Variants in PANK4 observed in about 807,000 individuals in gnomAD.
PANK4 encodes the protein 4'-phosphopantetheine phosphatase.
Under a neutral mutation model 87.9 loss-of-function variants are expected in PANK4, and 40 were observed. That is an observed-to-expected ratio of 0.46 (90% CI 0.35 to 0.59). The LOEUF is 0.59. PANK4 is among the 20% of genes least tolerant of loss of function. PANK4 has a pLI of 0.00. For missense variants in PANK4, 926 were observed against 1,072.3 expected, an observed-to-expected ratio of 0.86 and a Z score of 1.90; for synonymous variants, 524 against 467.4, an observed-to-expected ratio of 1.12 and a Z score of -1.56.
rs1643716596 is a variant in PANK4 at position 2,514,218 on chromosome 1, G to A, written c.1488-129C>T. 20 of 1,117,094 alleles carry A rather than the reference G, an allele frequency of 1.8e-5. No homozygotes were observed. In the South Asian group the frequency reaches 2.0e-4, roughly 11 times the overall value. The allele number at this position is 1,117,094 out of a possible 1,614,324, so 69.2% of individuals were successfully genotyped here. A position where few individuals can be genotyped will look rare whatever the true frequency, so the allele number is the denominator to read the frequency against. On this transcript the variant is annotated intron_variant, in intron 11 of 18. Transcript: ENST00000378466. ...AAACGCTGCTTGAGGCGGGGTCCAA[G>A]GGGGCTGTGCCGCCAGGGCCCACAC...
chr1:2,510,629 G>C lies in PANK4; in HGVS notation c.1938+49C>G. On this transcript the variant is annotated intron_variant, in intron 16 of 18. Coordinates refer to ENST00000378466, the MANE Select transcript of PANK4 (RefSeq NM_018216.4). The surrounding 1 kb of genome is among the most constrained non-coding windows in gnomAD (Gnocchi z 4.9). Reference sequence around the variant, plus strand: ...CCCACAGCGGCGCCAACCCCACCGAGAGCAGAGAAGCCCAGGGGAAGGGCC... The same window carrying C: ...CCCACAGCGGCGCCAACCCCACCGACAGCAGAGAAGCCCAGGGGAAGGGCC... 1 of 1,139,888 alleles carries C rather than the reference G, an allele frequency of 8.8e-7. No individual in the cohort carries two copies. Among genetic ancestry groups the C allele is most frequent in the Non-Finnish European group, 1.3e-6 (1 of 756,574 alleles). The allele number at this position is 1,139,888 out of a possible 1,614,324, so 70.6% of individuals were successfully genotyped here.
Position 2,520,684 on chromosome 1 carries a change from TA to T in PANK4, c.606+38del. The T allele has an allele frequency of 1.3e-6, 2 of 1,584,644 alleles. No individual in the cohort carries two copies. Among genetic ancestry groups the T allele is most frequent in the Non-Finnish European group, 1.7e-6 (2 of 1,157,370 alleles). On this transcript the variant is annotated intron_variant, in intron 4 of 18. Transcript: ENST00000378466. This position sits in a 1 kb window ranked among gnomAD's most constrained non-coding sequence, Gnocchi z 6.2. Reference sequence around the variant, plus strand: ...CAGCGAGGGCTTAACAAACTATGGCTAAACCATCCACTCATTCATTCATGAA... The same window carrying T: ...CAGCGAGGGCTTAACAAACTATGGCTAACCATCCACTCATTCATTCATGAA...
At chr1:2,523,142 A>G (rs1643892376) in intron 1 of PANK4, among the ~76,000 whole-genome samples, 1 of 152,222 alleles carries the variant, frequency 6.6e-6, no homozygotes. Flanking sequence ...TCAGGTCAGT[A>G]AAAAGATTTG....
Position 2,519,327 on chromosome 1 carries a change from G to A in PANK4, c.854-3C>T, listed in dbSNP as rs1031238802. 3.8e-6 allele frequency: 6 copies of A among 1,599,720 alleles called. No individual in the cohort carries two copies. The African/African-American group carries it at 5.4e-5, about 14-fold the overall frequency. ...CGCCATGTCTTCTTTGGAGAACTCT[G>A]AGGAAGGGAAGGAAAAGGCACTCAT... On this transcript the variant is annotated splice_polypyrimidine_tract_variant and splice_region_variant and intron_variant, in intron 6 of 18. Transcript: ENST00000378466. The surrounding 1 kb of genome is among the most constrained non-coding windows in gnomAD (Gnocchi z 8.3).
At position 2,511,403 on chromosome 1, in the gene PANK4, G is replaced by T; in HGVS notation, c.1784-16C>A. ...CAGGGTCTTTCTGAGACAGAGAGAG[G>T]GACACATGATTAGCCCGGTGCTCCA... On this transcript the variant is annotated splice_polypyrimidine_tract_variant and intron_variant, in intron 14 of 18. Transcript: ENST00000378466. 2 of 1,597,940 alleles carry T rather than the reference G, an allele frequency of 1.3e-6. No homozygotes were observed.
rs894601657 is a variant in PANK4, at chr1:2,514,404, C to T, written c.1437G>A (p.Lys479=). 2.4e-5 allele frequency: 39 copies of T among 1,612,414 alleles called. 1 individual carries two copies. The highest frequency in any genetic ancestry group is 4.2e-6 in the Non-Finnish European group (5 of 1,179,926). Residue 479 remains lysine (K), a synonymous_variant, in exon 11 of 19, where the codon AAG becomes AAA. Coordinates refer to ENST00000378466, the MANE Select transcript of PANK4 (RefSeq NM_018216.4). The part of the protein sequence containing the change: ...DSVDAAERAE[K]FRQKYWNKLQ... The stretch of plus-strand genomic sequence containing the variant: ...GCTTGTTCCAGTACTTCTGCCGGAA[C>T]TTCTCCGCCCTCTCGGCTGCATCCA...
Position 2,509,745 on chromosome 1 carries a change from G to T in PANK4, c.2108+117C>A. The T allele has an allele frequency of 1.1e-6, 1 of 869,762 alleles. No homozygotes were observed. Among genetic ancestry groups the T allele is most frequent in the Non-Finnish European group, 1.9e-6 (1 of 530,230 alleles). The allele number at this position is 869,762 out of a possible 1,614,324, so 53.9% of individuals were successfully genotyped here. On this transcript the variant is annotated intron_variant, in intron 18 of 18. Transcript: ENST00000378466. The surrounding 1 kb of genome is among the most constrained non-coding windows in gnomAD (Gnocchi z 4.9). ...TGAGATCAATCCGGGCCTGGGGTCAGGAGAGGCCGCAGGGGCAGTCCTGAG... is the reference window on the plus strand; with the variant it reads ...TGAGATCAATCCGGGCCTGGGGTCATGAGAGGCCGCAGGGGCAGTCCTGAG...
chr1:2,515,512 T>A lies in PANK4; in HGVS notation c.1374+50A>T. ...CTTTGCCCCCGGAGCCTTGGAAGGT[T>A]AACCCGGCTGCGGCCTTGGAATCGT... On this transcript the variant is annotated intron_variant, in intron 10 of 18. Coordinates refer to ENST00000378466, the MANE Select transcript of PANK4 (RefSeq NM_018216.4). This position sits in a 1 kb window ranked among gnomAD's most constrained non-coding sequence, Gnocchi z 5.0. The A allele has an allele frequency of 6.2e-7, 1 of 1,600,410 alleles. No homozygotes were observed. The highest frequency in any genetic ancestry group is 1.3e-5 in the African/African-American group (1 of 74,750).
chr1:2,511,144 T>C (rs910076500), intron 15 of PANK4, among the ~76,000 whole-genome samples, 194 bp downstream of exon 15: 1 of 152,082 alleles, frequency 6.6e-6, no homozygotes, highest in Non-Finnish European at 1.5e-5. Flanking sequence ...CTAGAGCAGG[T>C]GACCTAAGAA....
rs954575222 is a variant in PANK4 at position 2,519,086 on chromosome 1, T to G, written c.1035+57A>C. 1.3e-6 allele frequency: 2 copies of G among 1,505,548 alleles called. No individual in the cohort carries two copies. Among genetic ancestry groups the G allele is most frequent in the Non-Finnish European group, 9.1e-7 (1 of 1,096,390 alleles). The allele number at this position is 1,505,548 out of a possible 1,614,324, so 93.3% of individuals were successfully genotyped here. A position where few individuals can be genotyped will look rare whatever the true frequency, so the allele number is the denominator to read the frequency against. On this transcript the variant is annotated intron_variant, in intron 7 of 18. Transcript: ENST00000378466. This position sits in a 1 kb window ranked among gnomAD's most constrained non-coding sequence, Gnocchi z 8.3. ...TGCGGTGTCTAACCAGCATGACTGA[T>G]TGGGAAGATCCTGGGGGGTCTGCGT...
intron 7 of PANK4, 46 bp from the exon 8 acceptor site, chr1:2,518,643 C>T (rs1192676623): frequency 1.4e-6 from 2 of 1,468,936 alleles, no homozygotes; most frequent in South Asian, 2.4e-5. Context: ...CCACACAACA[C>T]CCGGTGCCTC....
intron 1 of PANK4, among the ~76,000 whole-genome samples, chr1:2,523,909 G>A (rs1028713155): frequency 2.6e-5 from 4 of 152,246 alleles, no homozygotes; most frequent in Non-Finnish European, 2.9e-5. Flanking sequence ...CAGCTGGTGG[G>A]GGAAGGGGGC....
At position 2,508,863 on chromosome 1, in the gene PANK4, T is replaced by A. The variant is rs1332212682; in HGVS notation, c.2306A>T (p.Glu769Val). 6.3e-7 allele frequency: 1 copy of A among 1,597,724 alleles called. No homozygotes were observed. The highest frequency in any genetic ancestry group is 1.1e-5 in the South Asian group (1 of 89,602). ...GRLFSVIFKY[E>V]VPAE ...TGCAGCGCCTCACTCGGCTGGGACC[T>A]CGTACTTGAAGATGACGCTGAAGAG... The change falls in exon 19 of 19, where the codon GAG becomes GTG. Residue 769 changes from glutamate to valine, a missense_variant. Physicochemically the swap from Glu to Val is moderately radical, Grantham distance 121. Coordinates refer to ENST00000378466, the MANE Select transcript of PANK4 (RefSeq NM_018216.4). The surrounding 1 kb of genome is among the most constrained non-coding windows in gnomAD (Gnocchi z 5.1).
intron 1 of PANK4, among the ~76,000 whole-genome samples, chr1:2,523,587 G>C (rs534611104): frequency 1.3e-5 from 2 of 152,300 alleles, no homozygotes; most frequent in South Asian, 2.1e-4. Flanking sequence ...GGTTGGGACA[G>C]AGGTGGGGGT....
At chr1:2,517,188 C>T (rs1293964756) in intron 9 of PANK4, among the ~76,000 whole-genome samples, 4 of 152,232 alleles carry the variant, frequency 2.6e-5, no homozygotes, top group Non-Finnish European at 5.9e-5. Context: ...CAGAGCCTCG[C>T]CCCCACTCCC....
chr1:2,512,840 C>T, intron 13 of PANK4, 48 bp downstream of exon 13: 1 of 1,593,098 alleles, frequency 6.3e-7, no homozygotes, highest in Non-Finnish European at 8.6e-7. Flanking sequence ...TGGGGCAGGA[C>T]AGGCACCCAC....
chr1:2,524,654 T>C (rs1643905039), intron 1 of PANK4, among the ~76,000 whole-genome samples: 1 of 152,194 alleles, frequency 6.6e-6, no homozygotes, highest in Non-Finnish European at 1.5e-5. Flanking sequence ...GCTCTGCGGC[T>C]TCACTGGCCT....
Position 2,523,767 on chromosome 1 carries a change from C to T in PANK4, c.125-1967G>A, listed in dbSNP as rs544462338. Among the ~76,000 whole-genome samples the T allele has an allele frequency of 6.6e-5, 10 of 152,364 alleles. No individual in the cohort carries two copies. In the East Asian group the frequency reaches 7.7e-4, roughly 12 times the overall value. ...AGATCTGTTAGAGCAGAGGGAACCGCCTGCGGGCGGGGACCCTTCCGGGCT... is the reference window on the plus strand; with the variant it reads ...AGATCTGTTAGAGCAGAGGGAACCGTCTGCGGGCGGGGACCCTTCCGGGCT... On this transcript the variant is annotated intron_variant, in intron 1 of 18. Coordinates refer to ENST00000378466, the MANE Select transcript of PANK4 (RefSeq NM_018216.4).
At chr1:2,513,896 C>T (rs958901220) in intron 12 of PANK4, 106 bp downstream of exon 12, 11 of 853,516 alleles carry the variant, frequency 1.3e-5, no homozygotes, top group Middle Eastern at 4.7e-4. Flanking sequence ...CCTGCATGGC[C>T]TCAGACAGGA....
Sources: gnomAD v4.1 joint callset for allele counts (sites outside exome capture counted in the v4.1 genomes callset) on GRCh38, gnomAD v4.1.1 for gene constraint, Gnocchi (gnomAD v3.1) non-coding constraint, MANE v1.5 for transcripts, NCBI Gene and HGNC (gene_info 2026-07-23, HGNC 2026-07-21) for gene names.